Variants in COL4A3 observed in about 807,000 individuals in gnomAD.
The protein encoded by COL4A3 is collagen type IV alpha 3 chain, also known as collagen alpha-3(IV) chain.
In COL4A3, 135 loss-of-function variants were observed where a neutral mutation model predicts 217.4. That is an observed-to-expected ratio of 0.62 (90% CI 0.54 to 0.72). The LOEUF is 0.72. COL4A3 is among the 30% of genes least tolerant of loss of function. COL4A3 has a pLI of 0.00. For missense variants in COL4A3, 1,868 were observed against 2,119.9 expected, an observed-to-expected ratio of 0.88 and a Z score of 2.33; for synonymous variants, 690 against 736.3, an observed-to-expected ratio of 0.94 and a Z score of 1.02.
intron 1 of COL4A3, among the ~76,000 whole-genome samples, chr2:227,194,553 C>A (rs1173296237): frequency 6.6e-6 from 1 of 152,118 alleles, no homozygotes; most frequent in Admixed American, 6.5e-5. Context: ...ATGGTCAGCC[C>A]CTTAAGACAA....
At chr2:227,215,412 A>G (rs1221384243) in intron 1 of COL4A3, among the ~76,000 whole-genome samples, 1 of 152,020 alleles carries the variant, frequency 6.6e-6, no homozygotes, top group Non-Finnish European at 1.5e-5. Context: ...TTGATATGGC[A>G]CAAGGTATAT....
At chr2:227,273,969 A>C (rs1220554995) in intron 26 of COL4A3, among the ~76,000 whole-genome samples, 1 of 152,034 alleles carries the variant, frequency 6.6e-6, no homozygotes, top group African/African-American at 2.4e-5. Context: ...GGGCACAGTG[A>C]CTCACACCTG....
At chr2:227,289,297 C>T (rs760029537) in intron 35 of COL4A3, 49 bp downstream of exon 35, 1 of 1,463,458 alleles carries the variant, frequency 6.8e-7, no homozygotes, top group Non-Finnish European at 9.5e-7. Context: ...CACTTTCCTA[C>T]ATCTAAAGTA....
chr2:227,263,666 C>A, intron 20 of COL4A3, 114 bp from the exon 21 acceptor site: 1 of 1,071,644 alleles, frequency 9.3e-7, no homozygotes, highest in Non-Finnish European at 1.4e-6. Context: ...GTGTTATGTA[C>A]CTCTCCATTG....
chr2:227,181,709 T>C (rs2065872635), intron 1 of COL4A3, among the ~76,000 whole-genome samples: 1 of 152,204 alleles, frequency 6.6e-6, no homozygotes. Context: ...AAATATCCCT[T>C]AAAAATGAAT....
chr2:227,281,854 G>C (rs1284866696), intron 31 of COL4A3: 1 of 152,492 alleles, frequency 6.6e-6, no homozygotes, highest in African/African-American at 2.4e-5. Flanking sequence ...GAGAATGTTA[G>C]AGCCAGAAGG....
At chr2:227,227,518 A>C (rs1249948873) in intron 1 of COL4A3, among the ~76,000 whole-genome samples, 1 of 151,228 alleles carries the variant, frequency 6.6e-6, no homozygotes, top group Non-Finnish European at 1.5e-5. Flanking sequence ...ACAGAGCAAG[A>C]CTCCATCTCA....
At chr2:227,221,741 CT>C (rs1429211738) in intron 1 of COL4A3, among the ~76,000 whole-genome samples, 3 of 152,062 alleles carry the variant, frequency 2.0e-5, no homozygotes, top group Non-Finnish European at 2.9e-5. Context: ...TTTCTTCCCC[CT>C]GTTAGAACAT....
intron 4 of COL4A3, 58 bp from the exon 5 acceptor site, chr2:227,244,893 T>C (rs1340512863): frequency 4.0e-6 from 6 of 1,490,332 alleles, no homozygotes; most frequent in African/African-American, 2.9e-5. Context: ...TGTTTATAGA[T>C]TGAACATTTT....
In COL4A3 at chr2:227,309,324, G is replaced by C. The variant is rs995432941; in HGVS notation, c.4755+6G>C. ...AAGGATTTTCATTCATCATGGTGAG[G>C]AGAAAAGGAACAGGAGGTTTAGGGT... On this transcript the variant is annotated splice_donor_region_variant and intron_variant, in intron 50 of 51. Coordinates refer to ENST00000396578, the MANE Select transcript of COL4A3 (RefSeq NM_000091.5). The C allele has an allele frequency of 5.0e-6, 8 of 1,606,250 alleles. No homozygotes were observed. The highest frequency in any genetic ancestry group is 6.8e-6 in the Non-Finnish European group (8 of 1,173,404).
chr2:227,307,172 G>A (rs1368761714), intron 47 of COL4A3, among the ~76,000 whole-genome samples: 1 of 151,734 alleles, frequency 6.6e-6, no homozygotes, highest in Non-Finnish European at 1.5e-5. Context: ...GAAAAAAAAA[G>A]CCTTCTCTTC....
chr2:227,184,287 AT>A (rs2065946526), intron 1 of COL4A3, among the ~76,000 whole-genome samples: 1 of 152,250 alleles, frequency 6.6e-6, no homozygotes, highest in African/African-American at 2.4e-5. Context: ...GGACAAGGGA[AT>A]GCGGAGACTG....
At chr2:227,283,667 C>A in intron 32 of COL4A3, 100 bp from the exon 33 acceptor site, 1 of 1,038,910 alleles carries the variant, frequency 9.6e-7, no homozygotes, top group Non-Finnish European at 1.5e-6. Flanking sequence ...TTTCAACTCC[C>A]AATCTCTGCT....
chr2:227,188,203 A>G (rs2066102496), intron 1 of COL4A3, among the ~76,000 whole-genome samples: 1 of 152,082 alleles, frequency 6.6e-6, no homozygotes, highest in Non-Finnish European at 1.5e-5. Flanking sequence ...TGGCTTCTTC[A>G]CTACATTGTT....
At chr2:227,261,878 T>C (rs2070594260) in intron 20 of COL4A3, among the ~76,000 whole-genome samples, 2 of 152,182 alleles carry the variant, frequency 1.3e-5, no homozygotes, top group Admixed American at 1.3e-4. Flanking sequence ...GTGTTTACCT[T>C]TTGAGAGAGG....
In COL4A3 at chr2:227,195,751, AG is replaced by A. The variant is rs201454979; in HGVS notation, c.87+30939del. Among the ~76,000 whole-genome samples the A allele has an allele frequency of 6.7e-3, 1,021 of 151,344 alleles. 3 individuals carry two copies. Among genetic ancestry groups the A allele is most frequent in the Middle Eastern group, 0.044 (13 of 294 alleles). ...CAGGCAGGTCCTTCAGGAGATATCC[AG>A]AAGAAGACATTTTTATCATAGGAGA... On this transcript the variant is annotated intron_variant, in intron 1 of 51. Transcript: ENST00000396578.
intron 4 of COL4A3, among the ~76,000 whole-genome samples, chr2:227,244,641 C>T (rs1057362304): frequency 6.6e-6 from 1 of 152,132 alleles, no homozygotes. Flanking sequence ...ATAGGTCAAC[C>T]TTTGTTAAGC....
chr2:227,293,151 G>A, intron 37 of COL4A3, 40 bp from the exon 38 acceptor site: 1 of 1,612,528 alleles, frequency 6.2e-7, no homozygotes, highest in Non-Finnish European at 8.5e-7. Context: ...CACATATCCT[G>A]CTTATATGAG....
intron 1 of COL4A3, among the ~76,000 whole-genome samples, chr2:227,225,753 C>G (rs2125839162): frequency 6.7e-6 from 1 of 149,354 alleles, no homozygotes; most frequent in South Asian, 2.1e-4. Context: ...ACCCTGTCTC[C>G]CAGACTGGAG....
Sources: gnomAD v4.1 joint callset for allele counts (sites outside exome capture counted in the v4.1 genomes callset) on GRCh38, gnomAD v4.1.1 for gene constraint, MANE v1.5 for transcripts, NCBI Gene and HGNC (gene_info 2026-07-23, HGNC 2026-07-21) for gene names.